PRTG: variants seen among roughly 807,000 people sequenced by gnomAD.
PRTG encodes protogenin.
PRTG carries 67 observed loss-of-function variants against 122.5 expected under a neutral mutation model. The observed-to-expected ratio is 0.55, with a 90% CI of 0.45 to 0.67. The LOEUF (loss-of-function observed/expected upper bound fraction) is 0.67, where lower values mean the gene tolerates loss of function less well. PRTG is among the 30% of genes least tolerant of loss of function. The probability of loss-of-function intolerance (pLI) is 0.00; values close to 1 mark genes in which losing one functional copy is unlikely to be tolerated. For synonymous variants in PRTG, 554 were observed against 501.1 expected (o/e 1.11, Z -1.41); for missense variants, 1,435 against 1,415.4 (o/e 1.01, Z -0.22).
At chr15:55,628,009 C>A (rs919815848) in intron 16 of PRTG, among the ~76,000 whole-genome samples, 1 of 152,104 alleles carries the variant, frequency 6.6e-6, no homozygotes, top group African/African-American at 2.4e-5. Context: ...CAATATGAGC[C>A]TTGCTTTCCA....
chr15:55,644,720 C>G (rs1044374902), intron 11 of PRTG, among the ~76,000 whole-genome samples: 1 of 151,842 alleles, frequency 6.6e-6, no homozygotes, highest in South Asian at 2.1e-4. Flanking sequence ...CAGGTTCCTT[C>G]CCATGTTATA....
rs8038744 is a variant in PRTG at position 55,648,659 on chromosome 15, A to G, written c.2042-7451T>C. Among the ~76,000 whole-genome samples, 1,392 of 152,344 alleles carry G rather than the reference A, an allele frequency of 9.1e-3. 14 individuals are homozygous for G. Among genetic ancestry groups the G allele is most frequent in the African/African-American group, 0.032 (1,326 of 41,574 alleles). On this transcript the variant is annotated intron_variant, in intron 11 of 19. Transcript: ENST00000389286. The stretch of plus-strand genomic sequence containing the variant: ...AATTCTAGTATCTGAGTATCTGATG[A>G]ATGAACAAATCAAAACAGTTATGCA...
intron 2 of PRTG, among the ~76,000 whole-genome samples, chr15:55,736,067 T>C (rs1359921388): frequency 6.6e-6 from 1 of 152,214 alleles, no homozygotes; most frequent in Non-Finnish European, 1.5e-5. Context: ...AACTGAACCT[T>C]ATCTACAGTG....
intron 11 of PRTG, among the ~76,000 whole-genome samples, chr15:55,644,794 TA>T (rs1401553235): frequency 1.3e-5 from 2 of 152,088 alleles, no homozygotes; most frequent in African/African-American, 2.4e-5. Context: ...ACTCCCAGAA[TA>T]AATTCTGGAA....
intron 11 of PRTG, among the ~76,000 whole-genome samples, chr15:55,657,505 C>T (rs1054865303): frequency 2.0e-5 from 3 of 152,042 alleles, no homozygotes; most frequent in South Asian, 4.1e-4. Context: ...ATCACCTTTC[C>T]TTATTATATT....
At chr15:55,730,204 A>G in intron 2 of PRTG, among the ~76,000 whole-genome samples, 1 of 151,928 alleles carries the variant, frequency 6.6e-6, no homozygotes, top group Non-Finnish European at 1.5e-5. Flanking sequence ...CAGGTTCAAG[A>G]GATTCTCCTG....
chr15:55,742,799 C>T (rs1263826082), intron 1 of PRTG, 39 bp downstream of exon 1: 13 of 1,539,272 alleles, frequency 8.4e-6, no homozygotes, highest in African/African-American at 1.4e-5. Flanking sequence ...CCGCTCCCGC[C>T]CCACAGCGGT....
At chr15:55,641,258 G>T in intron 11 of PRTG, 50 bp from the exon 12 acceptor site, 2 of 1,357,702 alleles carry the variant, frequency 1.5e-6, no homozygotes, top group South Asian at 1.2e-5. Flanking sequence ...CTAGATCTGA[G>T]CAAAGGTTCT....
chr15:55,669,896 T>C (rs973533216), intron 11 of PRTG, among the ~76,000 whole-genome samples: 9 of 152,222 alleles, frequency 5.9e-5, no homozygotes, highest in Admixed American at 1.3e-4. Context: ...AGACATAGTA[T>C]ATTGACAAAA....
intron 2 of PRTG, among the ~76,000 whole-genome samples, chr15:55,696,732 T>G (rs1446391713): frequency 6.6e-6 from 1 of 152,244 alleles, no homozygotes; most frequent in Non-Finnish European, 1.5e-5. Flanking sequence ...ACAACTGTAC[T>G]AAATATACAA....
In PRTG at chr15:55,618,109, G is replaced by C. The variant is rs1175176508; in HGVS notation, c.*1903C>G. On this transcript the variant is annotated 3_prime_UTR_variant, in exon 20 of 20. Transcript: ENST00000389286. Reference sequence around the variant, plus strand: ...CACCTAAAGCTCTGCTTTTTTGTTTGTTTTGCGATGAATTCCGTACTTAGA... The same window carrying C: ...CACCTAAAGCTCTGCTTTTTTGTTTCTTTTGCGATGAATTCCGTACTTAGA... The C allele has an allele frequency of 6.6e-6, 1 of 152,098 alleles. No homozygotes were observed. The highest frequency in any genetic ancestry group is 1.5e-5 in the Non-Finnish European group (1 of 68,002). 9.4% of individuals were successfully genotyped at this position (152,098 alleles called of 1,614,324 possible).
At chr15:55,698,315 GGGTC>G (rs2059642874) in intron 2 of PRTG, among the ~76,000 whole-genome samples, 2 of 152,096 alleles carry the variant, frequency 1.3e-5, no homozygotes, top group African/African-American at 4.8e-5. Context: ...TTCTTAGACA[GGGTC>G]TCTCTCTGTC....
chr15:55,659,195 C>A (rs963629113), intron 11 of PRTG, among the ~76,000 whole-genome samples: 3 of 152,154 alleles, frequency 2.0e-5, no homozygotes, highest in African/African-American at 7.2e-5. Context: ...CTAAACATCT[C>A]AAAATGGAAT....
chr15:55,655,844 A>G (rs1027575073), intron 11 of PRTG: 1 of 152,224 alleles, frequency 6.6e-6, no homozygotes, highest in Non-Finnish European at 1.5e-5. Context: ...GTGCCTAATC[A>G]TTGTAAAACC....
At chr15:55,727,814 C>T (rs1038973879) in intron 2 of PRTG, among the ~76,000 whole-genome samples, 2 of 152,072 alleles carry the variant, frequency 1.3e-5, no homozygotes, top group Non-Finnish European at 1.5e-5. Context: ...AAAAGAAACA[C>T]CCAACAGTGA....
At chr15:55,723,454 G>A (rs1233410790) in intron 2 of PRTG, among the ~76,000 whole-genome samples, 5 of 147,994 alleles carry the variant, frequency 3.4e-5, no homozygotes, top group East Asian at 2.0e-4. Flanking sequence ...TCAAGCAGAC[G>A]AACATATGCA....
At chr15:55,633,876 A>T (rs1056800440) in intron 15 of PRTG, among the ~76,000 whole-genome samples, 8 of 152,206 alleles carry the variant, frequency 5.3e-5, no homozygotes, top group African/African-American at 1.9e-4. Flanking sequence ...TTAAAACCAC[A>T]ACAACTAAGA....
At chr15:55,631,320 T>C (rs1277961758) in intron 15 of PRTG, among the ~76,000 whole-genome samples, 7 of 151,640 alleles carry the variant, frequency 4.6e-5, no homozygotes, top group African/African-American at 1.2e-4. Flanking sequence ...TATAAATAAA[T>C]TGAGTTTCCA....
At chr15:55,735,955 C>T (rs1380957163) in intron 2 of PRTG, among the ~76,000 whole-genome samples, 1 of 152,150 alleles carries the variant, frequency 6.6e-6, no homozygotes, top group East Asian at 1.9e-4. Flanking sequence ...ACTTCCTTCA[C>T]TTGACTTATG....
Sources: gnomAD v4.1 joint callset for allele counts (sites outside exome capture counted in the v4.1 genomes callset) on GRCh38, gnomAD v4.1.1 for gene constraint, MANE v1.5 for transcripts, NCBI Gene and HGNC (gene_info 2026-07-23, HGNC 2026-07-21) for gene names.